ZNF358: variants seen among roughly 807,000 people sequenced by gnomAD.
ZNF358 encodes the protein zinc finger protein 358.
Under a neutral mutation model 2.1 loss-of-function variants are expected in ZNF358, and 1 was observed. The observed-to-expected ratio is 0.49, with a 90% CI of 0.17 to 2.30. The LOEUF is 2.30. Among genes scored for constraint, ZNF358 ranks in the 30% most tolerant of loss-of-function variants. ZNF358 has a pLI of 0.26. For synonymous variants in ZNF358, 381 were observed against 359.7 expected, an observed-to-expected ratio of 1.06 and a Z score of -0.67; for missense variants, 665 against 806.8, an observed-to-expected ratio of 0.82 and a Z score of 2.13.
Position 7,519,345 on chromosome 19 carries a change from G to T in ZNF358, c.103G>T (p.Asp35Tyr). The change falls in exon 2 of 2, where the codon GAT becomes TAT. Residue 35 changes from aspartate (D) to tyrosine (Y), a missense_variant. Asp to Tyr is a radical substitution (Grantham distance 160). Around this residue, in one of 3 missense-constraint regions of ZNF358, gnomAD observed 206 missense variants for 228.4 expected, o/e 0.90. Coordinates refer to ENST00000597229, the MANE Select transcript of ZNF358 (RefSeq NM_018083.5). ...CGAGGACCTAGACCCCAATCCTGAA[G>T]ATCTGGACCCGGTTTCTGAAGACCC... is the stretch of plus-strand genomic sequence containing the variant. ...DSEDLDPNPE[D>Y]LDPVSEDPEP... 1.9e-6 allele frequency: 3 copies of T among 1,613,540 alleles called. No individual in the cohort carries two copies. Among genetic ancestry groups the T allele is most frequent in the Non-Finnish European group, 2.5e-6 (3 of 1,179,500 alleles).
chr19:7,517,370 A>G (rs2022358408), intron 1 of ZNF358, among the ~76,000 whole-genome samples: 1 of 152,104 alleles, frequency 6.6e-6, no homozygotes, highest in South Asian at 2.1e-4. Context: ...GTCCCCAGGT[A>G]TTATTTTTGC....
intron 1 of ZNF358, among the ~76,000 whole-genome samples, chr19:7,517,337 C>T (rs989863541): frequency 5.3e-5 from 8 of 152,044 alleles, no homozygotes; most frequent in African/African-American, 1.9e-4. Flanking sequence ...ATGACTCAGG[C>T]GTTCCCCCAT....
rs1008880347 is a variant in ZNF358 at position 7,516,798 on chromosome 19, C to T, written c.-39+549C>T. ...GGTGATCCAGGGGTCCACCTGCCCT[C>T]ACCCCTGGGAACTCAGGAAAGACTT... On this transcript the variant is annotated intron_variant, in intron 1 of 1. Coordinates refer to ENST00000597229, the MANE Select transcript of ZNF358 (RefSeq NM_018083.5). The surrounding 1 kb of genome is among the most constrained non-coding windows in gnomAD (Gnocchi z 5.9). Among the ~76,000 whole-genome samples the T allele has an allele frequency of 6.6e-6, 1 of 152,050 alleles. No homozygotes were observed. The highest frequency in any genetic ancestry group is 1.5e-5 in the Non-Finnish European group (1 of 67,972).
In ZNF358 at chr19:7,520,215, G is replaced by T; in HGVS notation, c.973G>T (p.Gly325Cys). Residue 325 changes from glycine to cysteine, a missense_variant, in exon 2 of 2, where the codon GGC (glycine) becomes TGC (cysteine). Physicochemically the swap from Gly to Cys is radical, Grantham distance 159. Around this residue, in one of 3 missense-constraint regions of ZNF358, gnomAD observed 210 missense variants for 350.8 expected, o/e 0.60. Transcript: ENST00000597229. The surrounding 1 kb of genome is among the most constrained non-coding windows in gnomAD (Gnocchi z 6.0). Reference protein sequence around the residue: ...AERPYRCPHCGKAFGQSSNLQ... With the variant: ...AERPYRCPHCCKAFGQSSNLQ... ...GCGCCCCTACCGCTGCCCCCACTGC[G>T]GCAAAGCCTTCGGGCAGAGCTCCAA... 1 of 1,605,760 alleles carries T rather than the reference G, an allele frequency of 6.2e-7. No individual in the cohort carries two copies. The highest frequency in any genetic ancestry group is 8.5e-7 in the Non-Finnish European group (1 of 1,179,472).
In ZNF358 at chr19:7,520,987, T is replaced by G; in HGVS notation, c.*38T>G. On this transcript the variant is annotated 3_prime_UTR_variant, in exon 2 of 2. Coordinates refer to ENST00000597229, the MANE Select transcript of ZNF358 (RefSeq NM_018083.5). This position sits in a 1 kb window ranked among gnomAD's most constrained non-coding sequence, Gnocchi z 6.0. ...CATCCTCGGGGGCCTGGGGAAGTTG[T>G]GTGTTGTGCAGTCAGTAAAATCCTC... 1 of 1,598,074 alleles carries G rather than the reference T, an allele frequency of 6.3e-7. No individual in the cohort carries two copies. The highest frequency in any genetic ancestry group is 1.3e-5 in the African/African-American group (1 of 74,800).
intron 1 of ZNF358, among the ~76,000 whole-genome samples, chr19:7,518,598 A>AGAAAGAATGAAT (rs111382515): frequency 3.4e-4 from 49 of 142,466 alleles, no homozygotes; most frequent in Non-Finnish European, 6.1e-4. Context: ...AAAGAAAGAA[A>AGAAAGAATGAAT]GAATTGAAGT....
Position 7,519,575 on chromosome 19 carries a change from C to T in ZNF358, c.333C>T (p.Asp111=), listed in dbSNP as rs1395013255. 2 of 1,601,148 alleles carry T rather than the reference C, an allele frequency of 1.2e-6. No individual in the cohort carries two copies. The highest frequency in any genetic ancestry group is 4.5e-5 in the East Asian group (2 of 44,878). ...PVPLILDPNS[D]TLSPGDPKVD... is the part of the protein sequence containing the mutation. ...CCCTGATTCTCGATCCTAACAGCGA[C>T]ACCCTCAGCCCCGGCGATCCAAAAG... is the stretch of plus-strand genomic sequence containing the variant. Residue 111 remains aspartate (D), a synonymous_variant, in exon 2 of 2, where the codon GAC becomes GAT. Transcript: ENST00000597229.
intron 1 of ZNF358, among the ~76,000 whole-genome samples, 181 bp from the exon 2 acceptor site, chr19:7,519,024 C>A (rs1418162390): frequency 7.0e-6 from 1 of 143,834 alleles, no homozygotes; most frequent in Non-Finnish European, 1.5e-5. Flanking sequence ...GAGATGGTAC[C>A]TTTGCACTCC....
chr19:7,518,598 A>AGAAAGAAAGAAAGAAAGAAAGAAT (rs111382515), intron 1 of ZNF358, among the ~76,000 whole-genome samples: 12 of 142,342 alleles, frequency 8.4e-5, no homozygotes, highest in Non-Finnish European at 1.3e-4. Context: ...AAAGAAAGAA[A>AGAAAGAAAGAAAGAAAGAAAGAAT]GAATTGAAGT....
At chr19:7,518,579 G>GAAAGAAAGAAAGAAAT (rs1568394107) in intron 1 of ZNF358, among the ~76,000 whole-genome samples, 3 of 144,366 alleles carry the variant, frequency 2.1e-5, no homozygotes, top group Non-Finnish European at 4.5e-5. Flanking sequence ...AAGAAAGAAA[G>GAAAGAAAGAAAGAAAT]AAAGAAAGAA....
chr19:7,515,942 G>C (rs963479221), upstream of ZNF358, among the ~76,000 whole-genome samples: 7 of 152,094 alleles, frequency 4.6e-5, no homozygotes, highest in Admixed American at 2.0e-4. Context: ...AGGGCTGCGT[G>C]CGGGCGGGGC....
Position 7,519,502 on chromosome 19 carries a change from C to T in ZNF358, c.260C>T (p.Pro87Leu), listed in dbSNP as rs142712888. ...APGSEPQDPD[P>L]MSSSFDLDPD... ...GGCTCGGAACCCCAAGATCCCGACC[C>T]CATGTCTTCGAGTTTCGACCTCGAT... The change falls in exon 2 of 2, where the codon CCC becomes CTC. Residue 87 changes from proline to leucine, a missense_variant. Physicochemically the swap from Pro to Leu is moderately conservative, Grantham distance 98. Transcript: ENST00000597229. 2.8e-4 allele frequency: 450 copies of T among 1,613,184 alleles called. No individual in the cohort carries two copies. The highest frequency in any genetic ancestry group is 1.0e-3 in the Admixed American group (60 of 60,026).
chr19:7,518,613 T>C (rs948773669), intron 1 of ZNF358, among the ~76,000 whole-genome samples: 5 of 91,888 alleles, frequency 5.4e-5, no homozygotes, highest in Non-Finnish European at 9.5e-5. Flanking sequence ...TGAAGTTAGC[T>C]GAGTGTGGTG....
chr19:7,514,101 C>T (rs1471903122), upstream of ZNF358: 3 of 152,204 alleles, frequency 2.0e-5, no homozygotes, highest in African/African-American at 4.8e-5. Flanking sequence ...AGTCTGCAGA[C>T]CGTTCTTTTG....
intron 1 of ZNF358, among the ~76,000 whole-genome samples, chr19:7,518,575 G>GAAAGA (rs1213371259): frequency 6.9e-6 from 1 of 145,206 alleles, no homozygotes; most frequent in Non-Finnish European, 1.5e-5. Context: ...AAGAAAGAAA[G>GAAAGA]AAAGAAAGAA....
intron 1 of ZNF358, among the ~76,000 whole-genome samples, chr19:7,518,559 G>GAGAGAAAGAAAGAAAGAA (rs1555740141): frequency 3.1e-5 from 4 of 129,690 alleles, no homozygotes; most frequent in Admixed American, 1.5e-4. Context: ...GAGAGAGAGA[G>GAGAGAAAGAAAGAAAGAA]AAAGAAAGAA....
intron 1 of ZNF358, 81 bp from the exon 2 acceptor site, chr19:7,519,124 T>C: frequency 7.7e-7 from 1 of 1,294,146 alleles, no homozygotes; most frequent in Non-Finnish European, 1.0e-6. Flanking sequence ...GTCCCGTCTC[T>C]CATCCCTAAC....
Position 7,519,556 on chromosome 19 carries a change from T to A in ZNF358, c.314T>A (p.Ile105Asn). The A allele has an allele frequency of 6.2e-7, 1 of 1,603,524 alleles. No homozygotes were observed. The highest frequency in any genetic ancestry group is 1.1e-5 in the South Asian group (1 of 91,068). The change falls in exon 2 of 2, where the codon ATT becomes AAT. Residue 105 changes from isoleucine to asparagine, a missense_variant. By Grantham distance (149) the Ile-to-Asn change is moderately radical (BLOSUM62 -3). Coordinates refer to ENST00000597229, the MANE Select transcript of ZNF358 (RefSeq NM_018083.5). ...GATGTGATTGGCCCCGTACCCCTGA[T>A]TCTCGATCCTAACAGCGACACCCTC... ...DPDVIGPVPL[I>N]LDPNSDTLSP...
In ZNF358 at chr19:7,520,414, C is replaced by T; in HGVS notation, c.1172C>T (p.Thr391Ile). The T allele has an allele frequency of 6.2e-7, 1 of 1,611,582 alleles. No homozygotes were observed. Among genetic ancestry groups the T allele is most frequent in the African/African-American group, 1.3e-5 (1 of 75,006 alleles). Residue 391 changes from threonine (T) to isoleucine (I), a missense_variant, in exon 2 of 2, where the codon ACC becomes ATC. Around this residue, in one of 3 missense-constraint regions of ZNF358, gnomAD observed 210 missense variants for 350.8 expected, o/e 0.60. Transcript: ENST00000597229. The surrounding 1 kb of genome is among the most constrained non-coding windows in gnomAD (Gnocchi z 6.0). ...GCCTTCGGCCAGGCCTCCAGCCTCA[C>T]CAAGCACAAACGGGTGCATGAGGGT... Reference protein sequence around the residue: ...GKAFGQASSLTKHKRVHEGAA... With the variant: ...GKAFGQASSLIKHKRVHEGAA...
Sources: gnomAD v4.1 joint callset for allele counts (sites outside exome capture counted in the v4.1 genomes callset) on GRCh38, gnomAD v4.1.1 for gene constraint, gnomAD v4.1.1 regional missense constraint, Gnocchi (gnomAD v3.1) non-coding constraint, MANE v1.5 for transcripts, NCBI Gene and HGNC (gene_info 2026-07-23, HGNC 2026-07-21) for gene names.